Variants in CACNA1A observed in about 807,000 individuals in gnomAD.
CACNA1A encodes calcium voltage-gated channel subunit alpha1 A, also known as voltage-dependent P/Q-type calcium channel subunit alpha-1A.
In CACNA1A, 57 loss-of-function variants were observed where a neutral mutation model predicts 262.4. The ratio of observed to expected loss-of-function variants is 0.22; its 90% CI spans 0.18 to 0.27. The LOEUF is 0.27. Ranked by LOEUF, CACNA1A falls within the 10% of genes least tolerant of loss-of-function variation. The probability of loss-of-function intolerance (pLI) is 1.00; values close to 1 mark genes in which losing one functional copy is unlikely to be tolerated. For synonymous variants in CACNA1A, 1,431 were observed against 1,419.3 expected (o/e 1.01, Z -0.18); for missense variants, 2,526 against 3,562.8 (o/e 0.71, Z 7.41).
At chr19:13,478,150 G>A (rs907340056) in intron 1 of CACNA1A, among the ~76,000 whole-genome samples, 3 of 152,106 alleles carry the variant, frequency 2.0e-5, no homozygotes, top group Non-Finnish European at 4.4e-5. Context: ...TCTGGAAGTC[G>A]ACAGTTCTGG....
intron 3 of CACNA1A, among the ~76,000 whole-genome samples, chr19:13,443,898 T>C (rs886294996): frequency 1.3e-5 from 2 of 152,196 alleles, no homozygotes; most frequent in African/African-American, 2.4e-5. Flanking sequence ...CTCAGATTCA[T>C]CTGTACAAAG....
At chr19:13,304,687 A>G (rs1176012878) in intron 15 of CACNA1A, among the ~76,000 whole-genome samples, 3 of 150,558 alleles carry the variant, frequency 2.0e-5, no homozygotes, top group African/African-American at 7.3e-5. Flanking sequence ...AAGAACAGGA[A>G]GAAACATCAC....
rs1286882101 is a variant in CACNA1A at position 13,208,548 on chromosome 19, TG to T, written c.6780+207del. On this transcript the variant is annotated intron_variant, in intron 46 of 46. Transcript: ENST00000360228. Reference sequence around the variant, plus strand: ...GGGGGCGGCGGGTGGGCAAGGGGGCTGGGGGGACAGCATAGGCAGCTGGTGT... The same window carrying T: ...GGGGGCGGCGGGTGGGCAAGGGGGCTGGGGGACAGCATAGGCAGCTGGTGT... Among the ~76,000 whole-genome samples the T allele has an allele frequency of 4.1e-5, 3 of 72,582 alleles. No homozygotes were observed. In the South Asian group the frequency reaches 1.2e-3, roughly 28 times the overall value. 47.6% of individuals were successfully genotyped at this position (72,582 alleles called of 152,430 possible).
In CACNA1A at chr19:13,352,936, C is replaced by T. The variant is rs964461124; in HGVS notation, c.978+6670G>A. Among the ~76,000 whole-genome samples, 8 of 152,278 alleles carry T rather than the reference C, an allele frequency of 5.3e-5. No homozygotes were observed. In the East Asian group the frequency reaches 1.5e-3, roughly 29 times the overall value. ...TACAGGCGCCCGCCACCATGCCTGG[C>T]TAATTTTTGTATTTTTAGTAGAGAT... On this transcript the variant is annotated intron_variant, in intron 6 of 46. Coordinates refer to ENST00000360228, the MANE Select transcript of CACNA1A (RefSeq NM_001127222.2).
chr19:13,413,931 GAAAGAAAGAAAGAAAA>G (rs2060175214), intron 3 of CACNA1A, among the ~76,000 whole-genome samples: 1 of 126,886 alleles, frequency 7.9e-6, no homozygotes, highest in South Asian at 2.4e-4. Context: ...AAGAAAGAAA[GAAAGAAAGAAAGAAAA>G]GGAAGGCAAG....
chr19:13,418,786 A>G (rs1019000956), intron 3 of CACNA1A, among the ~76,000 whole-genome samples: 2 of 152,250 alleles, frequency 1.3e-5, no homozygotes, highest in Non-Finnish European at 2.9e-5. Context: ...CATGTGCTAC[A>G]TAACGATGTT....
intron 4 of CACNA1A, among the ~76,000 whole-genome samples, chr19:13,368,813 C>A (rs964562847): frequency 7.7e-6 from 1 of 129,266 alleles, no homozygotes; most frequent in Non-Finnish European, 1.5e-5. Context: ...CCGAGGCGGG[C>A]GGATCACGAG....
At chr19:13,459,464 A>G (rs906831753) in intron 1 of CACNA1A, among the ~76,000 whole-genome samples, 5 of 152,170 alleles carry the variant, frequency 3.3e-5, no homozygotes, top group Non-Finnish European at 5.9e-5. Flanking sequence ...ACTCAGGGCA[A>G]TTTGGGGAGC....
intron 24 of CACNA1A, chr19:13,274,721 A>T (rs2057105517): frequency 6.7e-6 from 1 of 149,704 alleles, no homozygotes. Context: ...GGCCATTTTG[A>T]AATGGTTGCC....
At chr19:13,370,576 C>T (rs1013739385) in intron 4 of CACNA1A, among the ~76,000 whole-genome samples, 1 of 151,496 alleles carries the variant, frequency 6.6e-6, no homozygotes, top group Admixed American at 6.6e-5. Flanking sequence ...CAGGTGTGCA[C>T]CATCATGCCT....
At chr19:13,472,600 G>T (rs1978287616) in intron 1 of CACNA1A, among the ~76,000 whole-genome samples, 1 of 152,136 alleles carries the variant, frequency 6.6e-6, no homozygotes, top group Admixed American at 6.5e-5. Context: ...TGCACATGCT[G>T]TTCCCTCTGC....
chr19:13,262,731 C>G lies in CACNA1A; in HGVS notation c.4089+3G>C. The G allele has an allele frequency of 6.3e-7, 1 of 1,598,382 alleles. No homozygotes were observed. The highest frequency in any genetic ancestry group is 2.2e-5 in the East Asian group (1 of 44,790). ...ACCGCACCCCACCATCTCCCAATCT[C>G]ACCTTGAGCTTTGGCAGCCGCTTGA... On this transcript the variant is annotated splice_donor_region_variant and intron_variant, in intron 25 of 46. Transcript: ENST00000360228.
chr19:13,221,754 C>T (rs1404882989), intron 38 of CACNA1A, among the ~76,000 whole-genome samples: 1 of 152,130 alleles, frequency 6.6e-6, no homozygotes, highest in Non-Finnish European at 1.5e-5. Context: ...TCCCCTTCCT[C>T]CTGAAGCCGC....
In CACNA1A at chr19:13,207,394, G is replaced by A. The variant is rs539546830; in HGVS notation, c.7440C>T (p.His2480=). ...RRLPNGYYPA[H]GLARPRGPGS... ...CCGGCCCGCGGGGCCTGGCCAGTCC[G>A]TGCGCCGGGTAGTAGCCGTTGGGGA... Residue 2480 remains histidine (H), a synonymous_variant, in exon 47 of 47, where the codon CAC becomes CAT. Coordinates refer to ENST00000360228, the MANE Select transcript of CACNA1A (RefSeq NM_001127222.2). This position sits in a 1 kb window ranked among gnomAD's most constrained non-coding sequence, Gnocchi z 5.7. The A allele has an allele frequency of 2.7e-5, 41 of 1,538,878 alleles. 1 individual carries two copies. The highest frequency in any genetic ancestry group is 3.3e-5 in the Non-Finnish European group (38 of 1,148,552).
chr19:13,261,434 G>A lies in CACNA1A; in HGVS notation c.4250+16C>T, dbSNP rs768639972. On this transcript the variant is annotated intron_variant, in intron 26 of 46. Coordinates refer to ENST00000360228, the MANE Select transcript of CACNA1A (RefSeq NM_001127222.2). ...TGCTGGTTCCAATGGGAATGTGCTG[G>A]AAAGTGGAGACCCACCGACAATCTT... 6 of 1,557,810 alleles carry A rather than the reference G, an allele frequency of 3.9e-6. No homozygotes were observed. The highest frequency in any genetic ancestry group is 3.5e-6 in the Non-Finnish European group (4 of 1,149,548).
At chr19:13,225,994 C>T (rs778857781) in intron 37 of CACNA1A, 8 of 151,934 alleles carry the variant, frequency 5.3e-5, no homozygotes, top group East Asian at 3.9e-4. Flanking sequence ...GCCCAGCCCC[C>T]GATTTGTATA....
At chr19:13,338,037 G>A (rs1469556280) in intron 6 of CACNA1A, among the ~76,000 whole-genome samples, 1 of 152,124 alleles carries the variant, frequency 6.6e-6, no homozygotes, top group African/African-American at 2.4e-5. Flanking sequence ...GGCTAACATG[G>A]TGAAACCCCG....
intron 24 of CACNA1A, chr19:13,263,089 G>A: frequency 8.2e-6 from 4 of 487,712 alleles, no homozygotes; most frequent in Non-Finnish European, 1.5e-5. Flanking sequence ...ATCTGGCTGG[G>A]CCTGAGCAGC....
chr19:13,344,902 G>T (rs963632368), intron 6 of CACNA1A, among the ~76,000 whole-genome samples: 1 of 151,560 alleles, frequency 6.6e-6, no homozygotes, highest in African/African-American at 2.4e-5. Flanking sequence ...TTACAGGCAC[G>T]CACCACCACG....
Sources: allele counts gnomAD v4.1 joint callset (sites outside exome capture counted in the v4.1 genomes callset), GRCh38; gene constraint gnomAD v4.1.1; non-coding constraint Gnocchi (gnomAD v3.1); transcripts MANE v1.5; gene names NCBI Gene and HGNC (gene_info 2026-07-23, HGNC 2026-07-21).